The following MEI4 variants were observed in gnomAD, a reference collection of about 807,000 sequenced individuals.
MEI4 encodes meiotic double-stranded break formation protein 4.
In MEI4, 27 loss-of-function variants were observed where a neutral mutation model predicts 31.4. That is an observed-to-expected ratio of 0.86 (90% confidence interval 0.63 to 1.19). The LOEUF (loss-of-function observed/expected upper bound fraction) is 1.19, where lower values mean the gene tolerates loss of function less well. MEI4 is among the 50% of genes most tolerant of loss of function. The pLI is 0.00. For synonymous variants in MEI4, 122 were observed against 145.4 expected, an observed-to-expected ratio of 0.84 and a Z score of 1.16; for missense variants, 329 against 398.9, an observed-to-expected ratio of 0.82 and a Z score of 1.49.
chr6:77,926,220 C>G lies in MEI4; in HGVS notation c.*2874C>G. 6.6e-6 allele frequency: 1 copy of G among 151,960 alleles called. No homozygotes were observed. Among genetic ancestry groups the G allele is most frequent in the African/African-American group, 2.4e-5 (1 of 41,406 alleles). 9.4% of individuals were successfully genotyped at this position (151,960 alleles called of 1,614,324 possible). On this transcript the variant is annotated 3_prime_UTR_variant, in exon 5 of 5. Coordinates refer to ENST00000684080, the MANE Select transcript of MEI4 (RefSeq NM_001322247.2). ...CCTTAAGGCACAACAGTGGAAATTA[C>G]TAGCTTATGATTAGCTTATTTTGGA...
At chr6:77,846,820 C>T (rs547621341) in intron 4 of MEI4, among the ~76,000 whole-genome samples, 3 of 152,146 alleles carry the variant, frequency 2.0e-5, no homozygotes, top group Non-Finnish European at 2.9e-5. Flanking sequence ...TAAGCATTGA[C>T]AGTTCAAGGG....
chr6:77,681,240 G>A (rs2127649195), intron 1 of MEI4, among the ~76,000 whole-genome samples: 1 of 152,188 alleles, frequency 6.6e-6, no homozygotes, highest in South Asian at 2.1e-4. Context: ...TATGACACGG[G>A]ACTGTTTTTC....
chr6:77,792,086 C>T (rs924465964), intron 3 of MEI4, among the ~76,000 whole-genome samples: 1 of 152,074 alleles, frequency 6.6e-6, no homozygotes, highest in African/African-American at 2.4e-5. Flanking sequence ...ATGTAATGTC[C>T]TCCAGGTTCA....
At chr6:77,790,531 C>T (rs1768892788) in intron 3 of MEI4, among the ~76,000 whole-genome samples, 1 of 151,022 alleles carries the variant, frequency 6.6e-6, no homozygotes, top group South Asian at 2.1e-4. Context: ...ATGTAGCAAA[C>T]CTGCACATGT....
At chr6:77,796,783 A>T (rs943696229) in intron 3 of MEI4, among the ~76,000 whole-genome samples, 1 of 152,212 alleles carries the variant, frequency 6.6e-6, no homozygotes, top group Non-Finnish European at 1.5e-5. Context: ...CTACAGATTC[A>T]GTGCCATCCA....
In MEI4 at chr6:77,801,896, T is replaced by C. The variant is rs145492883; in HGVS notation, c.769-27035T>C. ...TGCTGAGGAGTGCTTTGCTTCCAAA[T>C]ATGTGGTCAATTTTGGAATATGTAT... is the stretch of plus-strand genomic sequence containing the variant. On this transcript the variant is annotated intron_variant, in intron 3 of 4. Coordinates refer to ENST00000684080, the MANE Select transcript of MEI4 (RefSeq NM_001322247.2). Among the ~76,000 whole-genome samples the C allele has an allele frequency of 3.3e-5, 5 of 152,316 alleles. No homozygotes were observed. The East Asian group carries it at 9.6e-4, about 29-fold the overall frequency.
chr6:77,855,594 G>A (rs1562013543), intron 4 of MEI4, among the ~76,000 whole-genome samples: 1 of 152,266 alleles, frequency 6.6e-6, no homozygotes, highest in East Asian at 1.9e-4. Context: ...ATTAAATTGG[G>A]AATAACTGTA....
chr6:77,745,372 A>G (rs12529692), intron 2 of MEI4, among the ~76,000 whole-genome samples: 13,993 of 152,216 alleles, frequency 0.092, 928 homozygotes, highest in East Asian at 0.31. Flanking sequence ...AGACACAAAG[A>G]AGGCCATTAC....
chr6:77,875,459 G>T (rs1771311512), intron 4 of MEI4, among the ~76,000 whole-genome samples: 2 of 152,090 alleles, frequency 1.3e-5, no homozygotes, highest in South Asian at 4.1e-4. Flanking sequence ...TTAGCTTTTT[G>T]CTATATTTGA....
intron 1 of MEI4, among the ~76,000 whole-genome samples, chr6:77,657,744 C>T (rs962513785): frequency 6.6e-6 from 1 of 152,158 alleles, no homozygotes; most frequent in African/African-American, 2.4e-5. Flanking sequence ...ATTCTTTAGT[C>T]AAGGAGCTCA....
intron 3 of MEI4, among the ~76,000 whole-genome samples, chr6:77,823,069 A>G (rs909338464): frequency 6.6e-6 from 1 of 152,186 alleles, no homozygotes; most frequent in Non-Finnish European, 1.5e-5. Context: ...CAACTATTAT[A>G]GCTTCAATTT....
rs1766840054 is a variant in MEI4, at chr6:77,926,190, A to G, written c.*2844A>G. The G allele has an allele frequency of 6.6e-6, 1 of 151,970 alleles. No homozygotes were observed. The allele number at this position is 151,970 out of a possible 1,614,324, so 9.4% of individuals were successfully genotyped here. A position where few individuals can be genotyped will look rare whatever the true frequency, so the allele number is the denominator to read the frequency against. ...ATCAAAGCTTTATACATGCTTAACT[A>G]TGAACCTTAAGGCACAACAGTGGAA... On this transcript the variant is annotated 3_prime_UTR_variant, in exon 5 of 5. Transcript: ENST00000684080.
intron 3 of MEI4, among the ~76,000 whole-genome samples, chr6:77,766,851 G>A (rs1339799659): frequency 6.6e-6 from 1 of 152,076 alleles, no homozygotes; most frequent in Non-Finnish European, 1.5e-5. Flanking sequence ...TTCTACTCAG[G>A]TAGCAGTGTT....
intron 4 of MEI4, among the ~76,000 whole-genome samples, chr6:77,833,390 AT>A (rs1411737193): frequency 1.3e-5 from 2 of 152,252 alleles, no homozygotes; most frequent in African/African-American, 4.8e-5. Flanking sequence ...AAATTTTTAT[AT>A]GAATTTTATT....
At chr6:77,815,901 C>A (rs902774583) in intron 3 of MEI4, among the ~76,000 whole-genome samples, 9 of 149,138 alleles carry the variant, frequency 6.0e-5, no homozygotes, top group East Asian at 5.9e-4. Flanking sequence ...AAAAAAAAAA[C>A]CAAAACAACA....
At chr6:77,801,082 T>A (rs6938997) in intron 3 of MEI4, among the ~76,000 whole-genome samples, 7 of 152,208 alleles carry the variant, frequency 4.6e-5, no homozygotes, top group Admixed American at 1.3e-4. Flanking sequence ...AGCTCCTCCT[T>A]GTACCTCTGG....
At chr6:77,870,269 A>C (rs1172215481) in intron 4 of MEI4, among the ~76,000 whole-genome samples, 1 of 152,180 alleles carries the variant, frequency 6.6e-6, no homozygotes, top group African/African-American at 2.4e-5. Context: ...TCCCAATCAC[A>C]CAGTCACCAG....
At chr6:77,779,051 C>G (rs181022847) in intron 3 of MEI4, among the ~76,000 whole-genome samples, 2 of 152,170 alleles carry the variant, frequency 1.3e-5, no homozygotes, top group East Asian at 3.9e-4. Flanking sequence ...TAAATTTAGT[C>G]TTTGTCAGAA....
rs1436717211 is a variant in MEI4 at position 77,847,316 on chromosome 6, A to T, written c.900+18254A>T. ...AAATGTTGAGTAAATACAGGAAATA[A>T]AGCCAATTATTTCCTCTGTATTTGT... On this transcript the variant is annotated intron_variant, in intron 4 of 4. Transcript: ENST00000684080. This position sits in a 1 kb window ranked among gnomAD's most constrained non-coding sequence, Gnocchi z 4.6. Among the ~76,000 whole-genome samples the T allele has an allele frequency of 6.6e-6, 1 of 152,164 alleles. No homozygotes were observed. The highest frequency in any genetic ancestry group is 1.5e-5 in the Non-Finnish European group (1 of 68,034).
Sources: allele counts gnomAD v4.1 joint callset (sites outside exome capture counted in the v4.1 genomes callset), GRCh38; gene constraint gnomAD v4.1.1; non-coding constraint Gnocchi (gnomAD v3.1); transcripts MANE v1.5; gene names NCBI Gene and HGNC (gene_info 2026-07-23, HGNC 2026-07-21).